Variants in CSMD3 observed in about 807,000 individuals in gnomAD.
CSMD3 encodes the protein CUB and sushi domain-containing protein 3.
In CSMD3, 177 loss-of-function variants were observed where a neutral mutation model predicts 435.2. The observed-to-expected ratio is 0.41, with a 90% CI of 0.36 to 0.46. The LOEUF (loss-of-function observed/expected upper bound fraction) is 0.46, where lower values mean the gene tolerates loss of function less well. CSMD3 is among the 20% of genes least tolerant of loss of function. The probability of loss-of-function intolerance (pLI) is 0.34; values close to 1 mark genes in which losing one functional copy is unlikely to be tolerated. For missense variants in CSMD3, 4,265 were observed against 4,504.6 expected (o/e 0.95, Z 1.52); for synonymous variants, 1,656 against 1,520.5 (o/e 1.09, Z -2.07).
At chr8:112,807,183 C>G (rs1445916532) in intron 12 of CSMD3, among the ~76,000 whole-genome samples, 2 of 152,092 alleles carry the variant, frequency 1.3e-5, no homozygotes, top group South Asian at 2.1e-4. Context: ...GCTGGAGGAC[C>G]CTTGTGACTC....
At chr8:112,447,076 T>C (rs1022321766) in intron 32 of CSMD3, among the ~76,000 whole-genome samples, 18 of 152,180 alleles carry the variant, frequency 1.2e-4, no homozygotes, top group African/African-American at 4.1e-4. Flanking sequence ...CTGATCATTT[T>C]AAAAATAAAA....
intron 30 of CSMD3, among the ~76,000 whole-genome samples, chr8:112,499,708 C>T (rs756551898): frequency 2.0e-5 from 3 of 152,120 alleles, no homozygotes; most frequent in South Asian, 2.1e-4. Flanking sequence ...TAATGCTATA[C>T]TTAGAACCAA....
chr8:113,121,595 G>A (rs1468000665), intron 4 of CSMD3, among the ~76,000 whole-genome samples: 3 of 152,000 alleles, frequency 2.0e-5, no homozygotes, highest in Non-Finnish European at 4.4e-5. Flanking sequence ...CTACATAATG[G>A]CTGAAAATTT....
At chr8:113,130,383 G>A (rs1211622228) in intron 4 of CSMD3, among the ~76,000 whole-genome samples, 1 of 152,068 alleles carries the variant, frequency 6.6e-6, no homozygotes, top group Non-Finnish European at 1.5e-5. Context: ...TCTCATGACG[G>A]TAAGTGAGTC....
chr8:113,091,792 CTT>C (rs1453335396), intron 5 of CSMD3, among the ~76,000 whole-genome samples: 1 of 151,534 alleles, frequency 6.6e-6, no homozygotes, highest in Non-Finnish European at 1.5e-5. Flanking sequence ...TATTTCTGCT[CTT>C]ATCTTTATTA....
chr8:112,246,205 T>C (rs1472052217), intron 64 of CSMD3, among the ~76,000 whole-genome samples: 1 of 152,190 alleles, frequency 6.6e-6, no homozygotes, highest in Non-Finnish European at 1.5e-5. Flanking sequence ...AGTAAGCTGC[T>C]GGTCCCTAGG....
chr8:113,194,788 C>T (rs986812277), intron 3 of CSMD3, among the ~76,000 whole-genome samples: 6 of 151,122 alleles, frequency 4.0e-5, no homozygotes, highest in Admixed American at 3.3e-4. Context: ...TTTTAATAGG[C>T]CTCCATAATC....
intron 45 of CSMD3, among the ~76,000 whole-genome samples, chr8:112,327,236 T>G (rs1302620757): frequency 6.6e-5 from 10 of 152,176 alleles, no homozygotes; most frequent in Non-Finnish European, 8.8e-5. Flanking sequence ...AGAAAATACC[T>G]CATTCTGTAT....
At chr8:112,816,428 C>T (rs185299963) in intron 12 of CSMD3, among the ~76,000 whole-genome samples, 24 of 152,258 alleles carry the variant, frequency 1.6e-4, no homozygotes, top group Non-Finnish European at 3.2e-4. Flanking sequence ...CTGGTCAATT[C>T]TCCAAGCCCT....
At chr8:112,562,773 T>C (rs2131256915) in intron 24 of CSMD3, among the ~76,000 whole-genome samples, 1 of 151,856 alleles carries the variant, frequency 6.6e-6, no homozygotes, top group Admixed American at 6.6e-5. Flanking sequence ...AAACATCCTA[T>C]TTTAAAATTC....
At chr8:112,896,066 T>C (rs2081941908) in intron 10 of CSMD3, among the ~76,000 whole-genome samples, 2 of 151,518 alleles carry the variant, frequency 1.3e-5, no homozygotes, top group South Asian at 2.1e-4. Flanking sequence ...AGGCTAACTT[T>C]ATCAATTTGT....
chr8:112,238,720 A>T (rs1055876599), intron 66 of CSMD3, among the ~76,000 whole-genome samples: 19 of 151,784 alleles, frequency 1.3e-4, no homozygotes, highest in African/African-American at 4.3e-4. Flanking sequence ...TTAAATTTAT[A>T]ATTTAAAAAT....
rs1369994263 is a variant in CSMD3, at chr8:112,583,105, AG to A, written c.3885+3960del. ...AAGCAAGAGATAATAATTTAGACCA[AG>A]GTAATTTACAAAGGTGAGAAATGAT... On this transcript the variant is annotated intron_variant, in intron 23 of 70. Coordinates refer to ENST00000297405, the MANE Select transcript of CSMD3 (RefSeq NM_198123.2). Among the ~76,000 whole-genome samples the A allele has an allele frequency of 9.9e-5, 15 of 152,216 alleles. No individual in the cohort carries two copies. In the Middle Eastern group the frequency reaches 0.017, roughly 173 times the overall value.
At chr8:113,068,907 G>A (rs1412456236) in intron 5 of CSMD3, among the ~76,000 whole-genome samples, 2 of 151,834 alleles carry the variant, frequency 1.3e-5, no homozygotes, top group Non-Finnish European at 2.9e-5. Flanking sequence ...ATTCTAGCGA[G>A]ACAAATTCAT....
intron 4 of CSMD3, among the ~76,000 whole-genome samples, chr8:113,120,785 A>G (rs1237337845): frequency 6.6e-6 from 1 of 152,160 alleles, no homozygotes; most frequent in Non-Finnish European, 1.5e-5. Flanking sequence ...TAGGGAATAC[A>G]AACTAATTTT....
chr8:112,496,022 T>G (rs1388153509), intron 30 of CSMD3, among the ~76,000 whole-genome samples: 1 of 151,806 alleles, frequency 6.6e-6, no homozygotes, highest in East Asian at 1.9e-4. Flanking sequence ...CAGGCTGGAG[T>G]GTAGTGGTGC....
intron 66 of CSMD3, among the ~76,000 whole-genome samples, chr8:112,239,816 T>C (rs970445694): frequency 2.0e-5 from 3 of 152,116 alleles, no homozygotes; most frequent in Non-Finnish European, 2.9e-5. Flanking sequence ...TTCTACTTTG[T>C]TTCTGAAAAG....
intron 32 of CSMD3, among the ~76,000 whole-genome samples, chr8:112,467,894 G>A (rs1818120196): frequency 2.0e-5 from 3 of 152,114 alleles, no homozygotes; most frequent in Admixed American, 1.3e-4. Flanking sequence ...AGGAAGTGTG[G>A]CATTACTGAC....
chr8:113,164,980 C>T (rs192663295), intron 4 of CSMD3, among the ~76,000 whole-genome samples: 1 of 152,206 alleles, frequency 6.6e-6, no homozygotes, highest in Admixed American at 6.5e-5. Context: ...CATTTTGCTT[C>T]GTCTTTAGAG....
Sources: gnomAD v4.1 joint callset for allele counts (sites outside exome capture counted in the v4.1 genomes callset) on GRCh38, gnomAD v4.1.1 for gene constraint, MANE v1.5 for transcripts, NCBI Gene and HGNC (gene_info 2026-07-23, HGNC 2026-07-21) for gene names.